OTUD7A: variants seen among roughly 807,000 people sequenced by gnomAD.
OTUD7A encodes the protein OTU deubiquitinase 7A.
In OTUD7A, 12 loss-of-function variants were observed where a neutral mutation model predicts 65.7. The ratio of observed to expected loss-of-function variants is 0.18; its 90% confidence interval spans 0.12 to 0.30. The LOEUF (loss-of-function observed/expected upper bound fraction) is 0.30, where lower values mean the gene tolerates loss of function less well. Ranked by LOEUF, OTUD7A falls within the 10% of genes least tolerant of loss-of-function variation. OTUD7A has a pLI of 1.00. For missense variants in OTUD7A, 1,148 were observed against 1,304.8 expected (o/e 0.88, Z 1.85); for synonymous variants, 641 against 586.3 (o/e 1.09, Z -1.35).
intron 3 of OTUD7A, among the ~76,000 whole-genome samples, chr15:31,590,559 T>A (rs984542936): frequency 6.6e-6 from 1 of 152,224 alleles, no homozygotes; most frequent in African/African-American, 2.4e-5. Flanking sequence ...AATTCATTGT[T>A]GACTTATTCC....
At position 31,530,823 on chromosome 15, in the gene OTUD7A, C is replaced by T. The variant is rs747539348; in HGVS notation, c.551-15G>A. ...GTTCAGGCGACCTGGAAAAGAAGCT[C>T]ACTTTAGAACAGGATCCCAGAAAAG... On this transcript the variant is annotated splice_polypyrimidine_tract_variant and intron_variant, in intron 5 of 12. Coordinates refer to ENST00000307050, the MANE Select transcript of OTUD7A (RefSeq NM_001382637.1). 30 of 1,609,124 alleles carry T rather than the reference C, an allele frequency of 1.9e-5. No individual in the cohort carries two copies. Among genetic ancestry groups the T allele is most frequent in the Non-Finnish European group, 2.5e-5 (29 of 1,176,926 alleles).
At chr15:31,527,406 C>T in intron 6 of OTUD7A, 98 bp from the exon 7 acceptor site, 1 of 1,457,656 alleles carries the variant, frequency 6.9e-7, no homozygotes, top group Non-Finnish European at 9.3e-7. Flanking sequence ...GGGAGAGCCT[C>T]CTGTCTGCAC....
chr15:31,830,527 T>C (rs1896904252), intron 1 of OTUD7A, among the ~76,000 whole-genome samples: 1 of 152,230 alleles, frequency 6.6e-6, no homozygotes, highest in Non-Finnish European at 1.5e-5. Context: ...GATTAGAGAA[T>C]GCTGCAAAAT....
chr15:31,551,638 C>T (rs1414431729), intron 5 of OTUD7A, among the ~76,000 whole-genome samples: 1 of 152,182 alleles, frequency 6.6e-6, no homozygotes, highest in African/African-American at 2.4e-5. Context: ...TTGCTCATCA[C>T]CCCACGACAT....
intron 1 of OTUD7A, among the ~76,000 whole-genome samples, chr15:31,727,728 T>C (rs928825642): frequency 6.6e-6 from 1 of 152,194 alleles, no homozygotes; most frequent in African/African-American, 2.4e-5. Flanking sequence ...CATTCCCTGT[T>C]GTATTTGCCT....
At chr15:31,810,347 C>T (rs1896386458) in intron 1 of OTUD7A, among the ~76,000 whole-genome samples, 1 of 152,096 alleles carries the variant, frequency 6.6e-6, no homozygotes, top group Non-Finnish European at 1.5e-5. Flanking sequence ...TCCTAGCCAC[C>T]AACATGACTG....
intron 1 of OTUD7A, among the ~76,000 whole-genome samples, chr15:31,825,062 A>ACGT (rs1238424949): frequency 6.6e-6 from 1 of 152,208 alleles, no homozygotes; most frequent in African/African-American, 2.4e-5. Context: ...TGCTTGACAG[A>ACGT]CGCTGACCCA....
intron 1 of OTUD7A, among the ~76,000 whole-genome samples, chr15:31,848,472 C>T (rs1291198088): frequency 6.6e-6 from 1 of 152,154 alleles, no homozygotes; most frequent in Admixed American, 6.5e-5. Context: ...AGTTTTCTCT[C>T]ACTGAGCTTG....
chr15:31,693,688 G>A (rs538159938), intron 1 of OTUD7A, among the ~76,000 whole-genome samples: 1 of 152,314 alleles, frequency 6.6e-6, no homozygotes, highest in African/African-American at 2.4e-5. Flanking sequence ...ACCCAGGTCT[G>A]TAAGGTGCAA....
chr15:31,718,653 C>A (rs917887536), intron 1 of OTUD7A, among the ~76,000 whole-genome samples: 3 of 142,036 alleles, frequency 2.1e-5, no homozygotes, highest in African/African-American at 7.4e-5. Context: ...ATGGCACCAC[C>A]CACTTATTGG....
rs1334918774 is a variant in OTUD7A at position 31,483,679 on chromosome 15, T to G, written c.2417A>C (p.Gln806Pro). 11 of 1,164,842 alleles carry G rather than the reference T, an allele frequency of 9.4e-6. No homozygotes were observed. The highest frequency in any genetic ancestry group is 9.5e-6 in the Non-Finnish European group (9 of 946,834). 72.2% of individuals were successfully genotyped at this position (1,164,842 alleles called of 1,614,324 possible). A position where few individuals can be genotyped will look rare whatever the true frequency, so the allele number is the denominator to read the frequency against. ...GALRPCATYP[Q>P]QNRSLSSQSY... ...CTGCGACGACAGCGAGCGGTTCTGC[T>G]GCGGGTACGTGGCGCACGGCCGCAG... is the stretch of plus-strand genomic sequence containing the variant. Residue 806 changes from glutamine to proline, a missense_variant, in exon 13 of 13, where the codon CAG (glutamine) becomes CCG (proline). By Grantham distance (76) the Gln-to-Pro change is moderately conservative. Transcript: ENST00000307050.
At chr15:31,793,786 TA>T (rs925111978) in intron 1 of OTUD7A, among the ~76,000 whole-genome samples, 4 of 152,220 alleles carry the variant, frequency 2.6e-5, no homozygotes, top group African/African-American at 9.6e-5. Flanking sequence ...TCCTGTTCTG[TA>T]AAATGCCTGA....
chr15:31,585,472 C>T (rs1352513264), intron 3 of OTUD7A, among the ~76,000 whole-genome samples: 2 of 152,344 alleles, frequency 1.3e-5, no homozygotes, highest in African/African-American at 2.4e-5. Context: ...TCATGCTGCA[C>T]CCAGGAGAAT....
rs548569122 is a variant in OTUD7A, at chr15:31,817,783, C to A, written c.-100+52724G>T. Among the ~76,000 whole-genome samples the A allele has an allele frequency of 2.5e-4, 38 of 152,332 alleles. No individual in the cohort carries two copies. In the South Asian group the frequency reaches 7.9e-3, roughly 32 times the overall value. ...GCAAAGGGGCAGCACCTTATTCATA[C>A]CAACCTGCTGCCCACCTGCCTTTCT... On this transcript the variant is annotated intron_variant, in intron 1 of 12. Coordinates refer to ENST00000307050, the MANE Select transcript of OTUD7A (RefSeq NM_001382637.1).
intron 1 of OTUD7A, among the ~76,000 whole-genome samples, chr15:31,697,687 C>T (rs561678932): frequency 3.9e-5 from 6 of 152,354 alleles, no homozygotes; most frequent in Admixed American, 1.3e-4. Flanking sequence ...ATTTTCACAA[C>T]AACCCCGCGC....
intron 1 of OTUD7A, chr15:31,766,479 G>A (rs561456508): frequency 6.3e-7 from 1 of 1,598,514 alleles, no homozygotes; most frequent in South Asian, 1.1e-5. Flanking sequence ...AAGTTCTATT[G>A]TACTTTTGCA....
chr15:31,669,773 C>T (rs1447011818), intron 1 of OTUD7A, among the ~76,000 whole-genome samples: 1 of 152,030 alleles, frequency 6.6e-6, no homozygotes, highest in African/African-American at 2.4e-5. Context: ...CCCTGTGGTG[C>T]CAGGCAGGAA....
chr15:31,843,349 A>C (rs1047079147), intron 1 of OTUD7A, among the ~76,000 whole-genome samples: 5 of 151,120 alleles, frequency 3.3e-5, no homozygotes, highest in East Asian at 1.9e-4. Flanking sequence ...AAAAAAAAAA[A>C]CCCCAACCAT....
At chr15:31,833,006 A>G (rs933338943) in intron 1 of OTUD7A, among the ~76,000 whole-genome samples, 2 of 152,190 alleles carry the variant, frequency 1.3e-5, no homozygotes, top group African/African-American at 4.8e-5. Flanking sequence ...TATTTTGGGG[A>G]ACCACCATTC....
Sources: allele counts gnomAD v4.1 joint callset (sites outside exome capture counted in the v4.1 genomes callset), GRCh38; gene constraint gnomAD v4.1.1; transcripts MANE v1.5; gene names NCBI Gene and HGNC (gene_info 2026-07-23, HGNC 2026-07-21).